Variants in ATP11A observed in about 807,000 individuals in gnomAD.
ATP11A encodes the protein phospholipid-transporting ATPase IH.
A neutral mutation model predicts 154.4 loss-of-function variants in ATP11A; 81 were observed. The ratio of observed to expected loss-of-function variants is 0.52; its 90% CI spans 0.44 to 0.63. The LOEUF is 0.63. ATP11A is among the 30% of genes least tolerant of loss of function. The probability of loss-of-function intolerance (pLI) is 0.00; values close to 1 mark genes in which losing one functional copy is unlikely to be tolerated. For missense variants in ATP11A, 1,316 were observed against 1,474.3 expected (o/e 0.89, Z 1.76); for synonymous variants, 623 against 585.9 (o/e 1.06, Z -0.91).
chr13:112,821,139 G>T (rs910997020), intron 8 of ATP11A, among the ~76,000 whole-genome samples: 1 of 152,072 alleles, frequency 6.6e-6, no homozygotes, highest in Non-Finnish European at 1.5e-5. Flanking sequence ...ATTAATTTGT[G>T]TTTGAACAGA....
At chr13:112,877,911 C>A (rs1191978782) in intron 28 of ATP11A, among the ~76,000 whole-genome samples, 1 of 152,176 alleles carries the variant, frequency 6.6e-6, no homozygotes, top group Non-Finnish European at 1.5e-5. Flanking sequence ...TTAGAAGCCC[C>A]TGTATTGCTG....
intron 6 of ATP11A, 65 bp downstream of exon 6, chr13:112,816,276 G>T: frequency 6.3e-7 from 1 of 1,599,414 alleles, no homozygotes; most frequent in Non-Finnish European, 8.5e-7. Context: ...CTGTGCCCAT[G>T]CGGCCACAGA....
intron 1 of ATP11A, among the ~76,000 whole-genome samples, chr13:112,724,784 A>G (rs1433917818): frequency 2.6e-5 from 4 of 152,104 alleles, no homozygotes; most frequent in African/African-American, 9.7e-5. Context: ...AGCAACAGAA[A>G]CACTCCTGCC....
chr13:112,764,781 A>G (rs140813405), intron 1 of ATP11A, among the ~76,000 whole-genome samples: 18 of 152,258 alleles, frequency 1.2e-4, no homozygotes, highest in African/African-American at 3.8e-4. Context: ...CTGGATGGCT[A>G]CTGAGGTGAA....
At chr13:112,832,176 G>A (rs368382358) in intron 13 of ATP11A, among the ~76,000 whole-genome samples, 3 of 152,208 alleles carry the variant, frequency 2.0e-5, no homozygotes, top group Admixed American at 2.0e-4. Flanking sequence ...CCCAAATGCC[G>A]TGGCTCCAGA....
chr13:112,825,394 C>T, intron 10 of ATP11A, 36 bp from the exon 11 acceptor site: 5 of 1,568,516 alleles, frequency 3.2e-6, no homozygotes, highest in Non-Finnish European at 4.3e-6. Flanking sequence ...CTCATTTCCT[C>T]AGGGACCAGT....
chr13:112,871,649 G>A, intron 25 of ATP11A, 86 bp from the exon 26 acceptor site: 1 of 1,245,648 alleles, frequency 8.0e-7, no homozygotes, highest in South Asian at 1.2e-5. Flanking sequence ...CAAGAAAAAT[G>A]AGGTGTATTT....
intron 20 of ATP11A, chr13:112,856,530 G>A (rs559682989): frequency 2.0e-5 from 3 of 153,414 alleles, no homozygotes; most frequent in South Asian, 4.1e-4. Context: ...ATAATTTGCC[G>A]AAAAGGCTGC....
At chr13:112,860,055 T>G (rs370165977) in intron 23 of ATP11A, among the ~76,000 whole-genome samples, 4 of 151,970 alleles carry the variant, frequency 2.6e-5, no homozygotes, top group African/African-American at 4.8e-5. Context: ...TTTTTTTTTT[T>G]CTTGAAGTTT....
At chr13:112,761,359 A>G (rs2076958205) in intron 1 of ATP11A, among the ~76,000 whole-genome samples, 1 of 152,238 alleles carries the variant, frequency 6.6e-6, no homozygotes, top group African/African-American at 2.4e-5. Context: ...TTATGTTGCC[A>G]AGATCTCCAG....
At chr13:112,791,417 C>T (rs1302027484) in intron 2 of ATP11A, among the ~76,000 whole-genome samples, 2 of 152,238 alleles carry the variant, frequency 1.3e-5, no homozygotes, top group Non-Finnish European at 2.9e-5. Context: ...GCCTGGTTCT[C>T]CCTGCAGATG....
intron 28 of ATP11A, chr13:112,876,142 C>A: frequency 2.1e-6 from 1 of 477,150 alleles, no homozygotes; most frequent in Non-Finnish European, 3.4e-6. Context: ...TTTTATGTTT[C>A]AACCTAAACA....
At position 112,785,175 on chromosome 13, in the gene ATP11A, A is replaced by G. The variant is rs200309535; in HGVS notation, c.80A>G (p.Tyr27Cys). The change falls in exon 2 of 30, where the codon TAC becomes TGC. Residue 27 changes from tyrosine (Y) to cysteine (C), a missense_variant. Transcript: ENST00000375645. This position sits in a 1 kb window ranked among gnomAD's most constrained non-coding sequence, Gnocchi z 4.8. ...AATTGGGTGGACAGCAGGACCATCT[A>G]CGTGGGACACAGGGAGCCACCTCCG... ...EENWVDSRTIYVGHREPPPGA... is the reference protein window; with the variant it reads ...EENWVDSRTICVGHREPPPGA... 3.4e-5 allele frequency: 54 copies of G among 1,577,586 alleles called. No individual in the cohort carries two copies. The highest frequency in any genetic ancestry group is 3.4e-5 in the Non-Finnish European group (39 of 1,162,410).
Position 112,806,673 on chromosome 13 carries a change from CT to C in ATP11A, c.333+390del, listed in dbSNP as rs1005380373. Among the ~76,000 whole-genome samples, 85 of 149,004 alleles carry C rather than the reference CT, an allele frequency of 5.7e-4. 1 individual carries two copies. The highest frequency in any genetic ancestry group is 1.9e-3 in the African/African-American group (76 of 40,556). On this transcript the variant is annotated intron_variant, in intron 4 of 29. Coordinates refer to ENST00000375645, the MANE Select transcript of ATP11A (RefSeq NM_015205.3). ...TTTTGTTTGTTTGTTTTTGGTTTTG[CT>C]TTTTTTTTTCATAGCCCCAGTAAAT...
chr13:112,791,280 A>G (rs2077847529), intron 2 of ATP11A, among the ~76,000 whole-genome samples: 1 of 152,182 alleles, frequency 6.6e-6, no homozygotes, highest in African/African-American at 2.4e-5. Flanking sequence ...GGCGTGTGGA[A>G]CCGCGGCGCC....
Position 112,697,149 on chromosome 13 carries a change from G to A in ATP11A, c.39+6694G>A, listed in dbSNP as rs560338931. 1.8e-4 allele frequency among the ~76,000 whole-genome samples: 28 copies of A among 152,300 alleles called. No individual in the cohort carries two copies. The highest frequency in any genetic ancestry group is 6.0e-4 in the African/African-American group (25 of 41,564). On this transcript the variant is annotated intron_variant, in intron 1 of 29. Transcript: ENST00000375645. This position sits in a 1 kb window ranked among gnomAD's most constrained non-coding sequence, Gnocchi z 4.0. ...CTGGGAGCCCTGGGGCCTTCCGTGG[G>A]CTGCTTCCTGTGGCGTCCTGCGGGC...
intron 6 of ATP11A, 127 bp downstream of exon 6, chr13:112,816,338 C>T (rs1202589826): frequency 3.3e-6 from 4 of 1,225,978 alleles, no homozygotes; most frequent in East Asian, 2.5e-5. Context: ...CAGGGAGTTA[C>T]ACCAGCCATG....
rs137969512 is a variant in ATP11A, at chr13:112,862,864, C to T, written c.2991+289C>T. 6.7e-3 allele frequency among the ~76,000 whole-genome samples: 949 copies of T among 142,222 alleles called. 10 individuals are homozygous for T. The highest frequency in any genetic ancestry group is 0.011 in the Non-Finnish European group (710 of 66,172). 93.3% of individuals were successfully genotyped at this position (142,222 alleles called of 152,430 possible). ...AGTTTCCCAGCGGGGTCCATCACCA[C>T]GTGCACAGTAATTCAGTGCAGCCCA... On this transcript the variant is annotated intron_variant, in intron 25 of 29. Transcript: ENST00000375645.
intron 29 of ATP11A, 125 bp from the exon 30 acceptor site, chr13:112,881,751 C>T (rs2080890382): frequency 5.2e-6 from 7 of 1,335,360 alleles, no homozygotes; most frequent in Non-Finnish European, 7.0e-6. Context: ...CAGAGTGGCT[C>T]AGGTCACCCC....
Sources: allele counts gnomAD v4.1 joint callset (sites outside exome capture counted in the v4.1 genomes callset), GRCh38; gene constraint gnomAD v4.1.1; non-coding constraint Gnocchi (gnomAD v3.1); transcripts MANE v1.5; gene names NCBI Gene and HGNC (gene_info 2026-07-23, HGNC 2026-07-21).